The following SLC16A9 variants were observed in gnomAD, a reference collection of about 807,000 sequenced individuals.
SLC16A9 encodes solute carrier family 16 member 9.
In SLC16A9, 26 loss-of-function variants were observed where a neutral mutation model predicts 44.3. That is an observed-to-expected ratio of 0.59 (90% CI 0.43 to 0.81). The LOEUF (loss-of-function observed/expected upper bound fraction) is 0.81. SLC16A9 is among the 40% of genes least tolerant of loss of function. The pLI, the probability that SLC16A9 is intolerant of heterozygous loss-of-function variation, is 0.00. For missense variants in SLC16A9, 559 were observed against 595.8 expected, an observed-to-expected ratio of 0.94 and a Z score of 0.64; for synonymous variants, 230 against 225.1, an observed-to-expected ratio of 1.02 and a Z score of -0.19.
intron 1 of SLC16A9, among the ~76,000 whole-genome samples, chr10:59,706,020 T>C (rs72815856): frequency 0.023 from 3,566 of 152,296 alleles, 74 homozygotes; most frequent in Non-Finnish European, 0.033. Context: ...ATCTCTGTGC[T>C]ATTCTCTTGT....
intron 4 of SLC16A9, among the ~76,000 whole-genome samples, chr10:59,661,238 T>C (rs905173665): frequency 1.2e-4 from 18 of 152,180 alleles, no homozygotes; most frequent in Non-Finnish European, 1.5e-4. Flanking sequence ...ATGACATGAT[T>C]GTATATTTAG....
At chr10:59,705,983 C>T (rs1271814847) in intron 1 of SLC16A9, among the ~76,000 whole-genome samples, 2 of 152,188 alleles carry the variant, frequency 1.3e-5, no homozygotes, top group African/African-American at 4.8e-5. Flanking sequence ...AACTGCTTTG[C>T]TTCCTATAAA....
At chr10:59,697,651 A>G (rs1220113224) in intron 1 of SLC16A9, among the ~76,000 whole-genome samples, 2 of 149,768 alleles carry the variant, frequency 1.3e-5, no homozygotes, top group African/African-American at 4.9e-5. Flanking sequence ...TCACTTGTTT[A>G]TCTGCTGACC....
At chr10:59,656,822 C>T (rs1456237327) in intron 4 of SLC16A9, among the ~76,000 whole-genome samples, 1 of 152,162 alleles carries the variant, frequency 6.6e-6, no homozygotes, top group African/African-American at 2.4e-5. Flanking sequence ...TCAAAAAGAG[C>T]ATCCTAATTT....
At chr10:59,663,614 G>A (rs1353465250) in intron 4 of SLC16A9, among the ~76,000 whole-genome samples, 1 of 151,804 alleles carries the variant, frequency 6.6e-6, no homozygotes, top group Non-Finnish European at 1.5e-5. Context: ...GTTGGGGGGT[G>A]GGGGGCTACG....
intron 1 of SLC16A9, among the ~76,000 whole-genome samples, chr10:59,696,303 G>T (rs1840372708): frequency 1.3e-5 from 2 of 152,226 alleles, no homozygotes; most frequent in South Asian, 2.1e-4. Context: ...AGGGGGTTTC[G>T]CTGTGTTGGC....
At chr10:59,694,819 C>T (rs145464342) in intron 1 of SLC16A9, among the ~76,000 whole-genome samples, 3,571 of 33,396 alleles carry the variant, frequency 0.11, 156 homozygotes, top group Non-Finnish European at 0.14. Context: ...TATATATATA[C>T]ACACACACAC....
At chr10:59,707,361 A>T (rs1323589605) in intron 1 of SLC16A9, among the ~76,000 whole-genome samples, 1 of 147,284 alleles carries the variant, frequency 6.8e-6, no homozygotes, top group African/African-American at 2.5e-5. Flanking sequence ...AGGGAAGGGA[A>T]GGGAGACTTG....
chr10:59,706,580 T>C (rs1356449091), intron 1 of SLC16A9, among the ~76,000 whole-genome samples: 1 of 151,208 alleles, frequency 6.6e-6, no homozygotes, highest in African/African-American at 2.4e-5. Context: ...AGCCAAGATA[T>C]GGAATCAACC....
chr10:59,668,204 T>C (rs1839665893), intron 3 of SLC16A9, among the ~76,000 whole-genome samples: 1 of 152,216 alleles, frequency 6.6e-6, no homozygotes, highest in Non-Finnish European at 1.5e-5. Flanking sequence ...AAGACCTCAT[T>C]AAACTGTTAG....
intron 1 of SLC16A9, among the ~76,000 whole-genome samples, chr10:59,704,975 A>C (rs1027269941): frequency 2.6e-5 from 4 of 152,244 alleles, no homozygotes; most frequent in African/African-American, 9.6e-5. Context: ...GGGATGCTGA[A>C]ATGCAAAAAG....
At chr10:59,699,901 A>AACACACACACAC (rs57820696) in intron 1 of SLC16A9, among the ~76,000 whole-genome samples, 29 of 147,670 alleles carry the variant, frequency 2.0e-4, no homozygotes, top group African/African-American at 6.3e-4. Context: ...CTGCACTGAA[A>AACACACACACAC]ACACACACAC....
At chr10:59,674,101 T>C (rs1351647477) in intron 2 of SLC16A9, among the ~76,000 whole-genome samples, 1 of 152,156 alleles carries the variant, frequency 6.6e-6, no homozygotes, top group Non-Finnish European at 1.5e-5. Context: ...ATGAATGTAA[T>C]GATTATATGA....
intron 1 of SLC16A9, among the ~76,000 whole-genome samples, chr10:59,701,172 C>T (rs751112654): frequency 1.3e-5 from 2 of 152,198 alleles, no homozygotes; most frequent in Non-Finnish European, 2.9e-5. Context: ...CACTTCATTG[C>T]ATTCCAGCTC....
At chr10:59,709,083 T>C (rs1255228198) in intron 1 of SLC16A9, among the ~76,000 whole-genome samples, 4 of 152,136 alleles carry the variant, frequency 2.6e-5, no homozygotes, top group Non-Finnish European at 4.4e-5. Flanking sequence ...CTCTGGGAAA[T>C]GGAGGCCCAC....
At chr10:59,662,651 AAAGAAAAG>A in intron 4 of SLC16A9, among the ~76,000 whole-genome samples, 2 of 146,798 alleles carry the variant, frequency 1.4e-5, no homozygotes, top group Non-Finnish European at 1.5e-5. Context: ...AAAAAAAAAA[AAAGAAAAG>A]AAAAAAAGAA....
chr10:59,675,194 A>G (rs1235075048), intron 2 of SLC16A9, among the ~76,000 whole-genome samples: 1 of 152,236 alleles, frequency 6.6e-6, no homozygotes, highest in African/African-American at 2.4e-5. Context: ...AAACACCTCA[A>G]TTTAAAAATG....
chr10:59,665,868 C>A (rs1839603454), intron 3 of SLC16A9, among the ~76,000 whole-genome samples: 1 of 152,014 alleles, frequency 6.6e-6, no homozygotes, highest in Admixed American at 6.6e-5. Context: ...GAAACAGCAA[C>A]TTTTAAACTT....
chr10:59,675,790 GA>G (rs1214934448), intron 2 of SLC16A9, among the ~76,000 whole-genome samples: 1 of 152,152 alleles, frequency 6.6e-6, no homozygotes, highest in African/African-American at 2.4e-5. Context: ...CAACCATAAG[GA>G]AAGAATCAAG....
Sources: allele counts gnomAD v4.1 joint callset (sites outside exome capture counted in the v4.1 genomes callset), GRCh38; gene constraint gnomAD v4.1.1; transcripts MANE v1.5; gene names NCBI Gene and HGNC (gene_info 2026-07-23, HGNC 2026-07-21).